SLC28A2: variants seen among roughly 807,000 people sequenced by gnomAD.
SLC28A2 encodes sodium/nucleoside cotransporter 2.
SLC28A2 carries 69 observed loss-of-function variants against 72.9 expected under a neutral mutation model. The observed-to-expected ratio is 0.95, with a 90% CI of 0.78 to 1.16. The LOEUF (loss-of-function observed/expected upper bound fraction) is 1.16. SLC28A2 is among the 50% of genes most tolerant of loss of function. SLC28A2 has a pLI of 0.00. For synonymous variants in SLC28A2, 296 were observed against 294.1 expected, an observed-to-expected ratio of 1.01 and a Z score of -0.07; for missense variants, 745 against 791.1, an observed-to-expected ratio of 0.94 and a Z score of 0.70.
At chr15:45,262,687 T>C (rs757519097) in intron 4 of SLC28A2, among the ~76,000 whole-genome samples, 17 of 152,258 alleles carry the variant, frequency 1.1e-4, no homozygotes, top group Admixed American at 1.3e-4. Flanking sequence ...AAGGTTAAAG[T>C]GACTGGGGTA....
At position 45,269,366 on chromosome 15, in the gene SLC28A2, T is replaced by G; in HGVS notation, c.1397T>G (p.Met466Arg). The change falls in exon 14 of 18, where the codon ATG becomes AGG. Residue 466 changes from methionine (M) to arginine (R), a missense_variant. By Grantham distance (91) the Met-to-Arg change is moderately conservative (BLOSUM62 -1). Transcript: ENST00000347644. ...ATCTGCTCCTATCTCCTAAGGCCCA[T>G]GGTTTTCATGATGGGTGTAGAGTGG... ...QVICSYLLRP[M>R]VFMMGVEWTD... The G allele has an allele frequency of 6.2e-7, 1 of 1,614,030 alleles. No homozygotes were observed. Among genetic ancestry groups the G allele is most frequent in the Non-Finnish European group, 8.5e-7 (1 of 1,179,932 alleles).
intron 6 of SLC28A2, 167 bp from the exon 7 acceptor site, chr15:45,264,488 A>G (rs1900265280): frequency 3.4e-6 from 2 of 594,392 alleles, no homozygotes; most frequent in Non-Finnish European, 6.0e-6. Context: ...CTTTTTGTAT[A>G]TTACTGCCCT....
At chr15:45,260,975 G>T (rs1900144365) in intron 3 of SLC28A2, among the ~76,000 whole-genome samples, 1 of 152,198 alleles carries the variant, frequency 6.6e-6, no homozygotes, top group South Asian at 2.1e-4. Context: ...TGAAAAGGAA[G>T]ACTAGGAACT....
intron 16 of SLC28A2, 80 bp from the exon 17 acceptor site, chr15:45,272,593 C>T (rs1159891650): frequency 1.3e-5 from 12 of 915,152 alleles, no homozygotes; most frequent in Non-Finnish European, 2.0e-5. Context: ...AGAGTGTCCA[C>T]AATTCGTGCC....
intron 17 of SLC28A2, among the ~76,000 whole-genome samples, chr15:45,275,002 GACA>G (rs1900705485): frequency 6.6e-6 from 1 of 152,188 alleles, no homozygotes; most frequent in South Asian, 2.1e-4. Context: ...ATCATTGAAA[GACA>G]ACGTTTTTGT....
Position 45,267,568 on chromosome 15 carries a change from C to G in SLC28A2, c.1056C>G (p.Phe352Leu), listed in dbSNP as rs765309042. ...TTTCTGGCACTGTGCTGGGAGCCTT[C>G]ATAGCCTTTGGGGTAGGCATAGTCT... ...ATISGTVLGA[F>L]IAFGVDASSL... Residue 352 changes from phenylalanine to leucine, a missense_variant, in exon 11 of 18, where the codon TTC (phenylalanine) becomes TTG (leucine). By Grantham distance (22) the Phe-to-Leu change is conservative. Transcript: ENST00000347644. 1 of 1,614,170 alleles carries G rather than the reference C, an allele frequency of 6.2e-7. No homozygotes were observed. Among genetic ancestry groups the G allele is most frequent in the South Asian group, 1.1e-5 (1 of 91,084 alleles).
At position 45,265,261 on chromosome 15, in the gene SLC28A2, T is replaced by C; in HGVS notation, c.780+95T>C. On this transcript the variant is annotated intron_variant, in intron 8 of 17. Coordinates refer to ENST00000347644, the MANE Select transcript of SLC28A2 (RefSeq NM_004212.4). ...TGTGTGTCCAAGAGATCAGCGCCCCTGTATACCAATTTGACCCTAACAAGA... is the reference window on the plus strand; with the variant it reads ...TGTGTGTCCAAGAGATCAGCGCCCCCGTATACCAATTTGACCCTAACAAGA... 3 of 858,418 alleles carry C rather than the reference T, an allele frequency of 3.5e-6. No individual in the cohort carries two copies. The South Asian group carries it at 4.0e-5, about 12-fold the overall frequency. 53.2% of individuals were successfully genotyped at this position (858,418 alleles called of 1,614,324 possible).
At chr15:45,261,794 T>C (rs1341275872) in intron 3 of SLC28A2, among the ~76,000 whole-genome samples, 1 of 152,218 alleles carries the variant, frequency 6.6e-6, no homozygotes, top group African/African-American at 2.4e-5. Context: ...ATATTGCTAG[T>C]TCGGGCTGAG....
At chr15:45,261,173 C>G (rs1900149832) in intron 3 of SLC28A2, among the ~76,000 whole-genome samples, 1 of 152,148 alleles carries the variant, frequency 6.6e-6, no homozygotes, top group Non-Finnish European at 1.5e-5. Flanking sequence ...GAGCTTTTGG[C>G]TCAGATGGCT....
At position 45,268,318 on chromosome 15, in the gene SLC28A2, C is replaced by A; in HGVS notation, c.1308C>A (p.Phe436Leu). 5 of 1,611,852 alleles carry A rather than the reference C, an allele frequency of 3.1e-6. No individual in the cohort carries two copies. The highest frequency in any genetic ancestry group is 4.2e-6 in the Non-Finnish European group (5 of 1,178,114). ...TTGCCTTTTTGGCTGTGTTGGCCTT[C>A]ATCAATGCTGCCCTCTCCTGGCTGG... ...NLIAFLAVLA[F>L]INAALSWLGE... The change falls in exon 13 of 18, where the codon TTC (phenylalanine) becomes TTA (leucine). Residue 436 changes from phenylalanine to leucine, a missense_variant. By Grantham distance (22) the Phe-to-Leu change is conservative. Coordinates refer to ENST00000347644, the MANE Select transcript of SLC28A2 (RefSeq NM_004212.4).
intron 4 of SLC28A2, 99 bp from the exon 5 acceptor site, chr15:45,262,962 T>C: frequency 9.7e-7 from 1 of 1,030,790 alleles, no homozygotes. Context: ...CTCTGGAGGG[T>C]TTTTCTTGCT....
chr15:45,254,655 T>C (rs568342137), intron 3 of SLC28A2, among the ~76,000 whole-genome samples: 24 of 152,326 alleles, frequency 1.6e-4, no homozygotes, highest in African/African-American at 5.5e-4. Flanking sequence ...AAGTAACACA[T>C]GACTATATAT....
In SLC28A2 at chr15:45,264,021, C is replaced by T. The variant is rs1900246696; in HGVS notation, c.587C>T (p.Ala196Val). Residue 196 changes from alanine to valine, a missense_variant and splice_region_variant, in exon 6 of 18, where the codon GCA becomes GTA. Coordinates refer to ENST00000347644, the MANE Select transcript of SLC28A2 (RefSeq NM_004212.4). Reference sequence around the variant, plus strand: ...TTTGCCTGCTCCAAACACCACAGCGCAGTGAGTTTTGGGTATTTGGGTTGG... The same window carrying T: ...TTTGCCTGCTCCAAACACCACAGCGTAGTGAGTTTTGGGTATTTGGGTTGG... ...ILFACSKHHS[A>V]VSWRTVFSGL... 6.2e-7 allele frequency: 1 copy of T among 1,609,532 alleles called. No individual in the cohort carries two copies. Among genetic ancestry groups the T allele is most frequent in the African/African-American group, 1.3e-5 (1 of 74,764 alleles).
chr15:45,261,706 T>C (rs761732960), intron 3 of SLC28A2, among the ~76,000 whole-genome samples: 4 of 152,178 alleles, frequency 2.6e-5, no homozygotes, highest in Non-Finnish European at 5.9e-5. Flanking sequence ...CAATCCTCTG[T>C]CCTTTCAGAA....
chr15:45,271,974 C>G (rs202152113), intron 15 of SLC28A2: 1 of 257,568 alleles, frequency 3.9e-6, no homozygotes, highest in Non-Finnish European at 7.4e-6. Flanking sequence ...AAGCAGTGAA[C>G]GCCAGGCATT....
At chr15:45,255,851 A>G (rs562190012) in intron 3 of SLC28A2, 3 of 152,312 alleles carry the variant, frequency 2.0e-5, no homozygotes, top group Admixed American at 1.3e-4. Flanking sequence ...ATATAGTTTT[A>G]ATTTTTAGTA....
chr15:45,267,381 TG>T (rs1475268900), intron 10 of SLC28A2, 73 bp from the exon 11 acceptor site: 1 of 1,539,210 alleles, frequency 6.5e-7, no homozygotes, highest in Non-Finnish European at 9.0e-7. Context: ...GTCCAGCCCC[TG>T]GGGCTGGGGT....
At chr15:45,265,696 G>A (rs1900310440) in intron 9 of SLC28A2, 33 bp downstream of exon 9, 1 of 1,403,920 alleles carries the variant, frequency 7.1e-7, no homozygotes, top group Admixed American at 1.7e-5. Flanking sequence ...TCAGGAGACA[G>A]GCCTTCATCC....
chr15:45,263,775 C>T (rs752227309), intron 5 of SLC28A2, 106 bp from the exon 6 acceptor site: 1 of 1,124,286 alleles, frequency 8.9e-7, no homozygotes, highest in South Asian at 1.8e-5. Flanking sequence ...ACATGCATGG[C>T]CTTTGATCAC....
Sources: gnomAD v4.1 joint callset for allele counts (sites outside exome capture counted in the v4.1 genomes callset) on GRCh38, gnomAD v4.1.1 for gene constraint, MANE v1.5 for transcripts, NCBI Gene and HGNC (gene_info 2026-07-23, HGNC 2026-07-21) for gene names.